The following DST variants were observed in gnomAD, a reference collection of about 807,000 sequenced individuals.
DST encodes the protein bullous pemphigoid antigen.
DST carries 253 observed loss-of-function variants against 875.2 expected under a neutral mutation model. The observed-to-expected ratio is 0.29, with a 90% CI of 0.26 to 0.32. DST has a LOEUF of 0.32. Among genes scored for constraint, DST ranks in the 10% least tolerant of loss-of-function variants. DST has a pLI of 1.00. For synonymous variants in DST, 3,124 were observed against 3,197.1 expected, an observed-to-expected ratio of 0.98 and a Z score of 0.77; for missense variants, 8,287 against 9,111.6, an observed-to-expected ratio of 0.91 and a Z score of 3.68.
At chr6:56,508,800 G>T in intron 74 of DST, 45 bp from the exon 75 acceptor site, 1 of 1,450,574 alleles carries the variant, frequency 6.9e-7, no homozygotes, top group Non-Finnish European at 9.5e-7. Flanking sequence ...TTAGCCCCAC[G>T]TAACCAACAA....
intron 36 of DST, chr6:56,618,173 C>G (rs1361595546): frequency 6.2e-7 from 1 of 1,614,174 alleles, no homozygotes; most frequent in South Asian, 1.1e-5. Flanking sequence ...CTCAGAGTAA[C>G]ACTGCTGGCT....
chr6:56,677,155 T>C lies in DST; in HGVS notation c.1048-6348A>G, dbSNP rs180994933. ...TCAATTTAAAAAAACTTAAATATAA[T>C]AACATCCTCCTTTGGTGGTTCTAAA... On this transcript the variant is annotated intron_variant, in intron 9 of 103. Transcript: ENST00000680361. Among the ~76,000 whole-genome samples, 13 of 152,284 alleles carry C rather than the reference T, an allele frequency of 8.5e-5. No homozygotes were observed. The East Asian group carries it at 2.1e-3, about 25-fold the overall frequency.
intron 4 of DST, among the ~76,000 whole-genome samples, chr6:56,845,638 A>G (rs2099806428): frequency 6.6e-6 from 1 of 152,236 alleles, no homozygotes; most frequent in South Asian, 2.1e-4. Flanking sequence ...AGGGTTAGCA[A>G]TTAAGTCCCT....
intron 36 of DST, chr6:56,615,971 C>G (rs148062292): frequency 1.9e-6 from 3 of 1,614,224 alleles, no homozygotes; most frequent in South Asian, 1.1e-5. Flanking sequence ...TTCGGCCACC[C>G]GGTACTTTTT....
chr6:56,709,999 G>T (rs1563802639), intron 5 of DST, among the ~76,000 whole-genome samples: 1 of 152,208 alleles, frequency 6.6e-6, no homozygotes. Flanking sequence ...GGTGGACATA[G>T]AGGCTTTATA....
chr6:56,943,012 T>C (rs983809496), intron 2 of DST, among the ~76,000 whole-genome samples: 31 of 152,024 alleles, frequency 2.0e-4, no homozygotes, highest in Non-Finnish European at 4.1e-4. Flanking sequence ...TGAGCTACCA[T>C]ATCCGGTCCA....
intron 3 of DST, among the ~76,000 whole-genome samples, chr6:56,879,033 A>AG (rs1356294774): frequency 6.6e-6 from 1 of 152,180 alleles, no homozygotes; most frequent in African/African-American, 2.4e-5. Context: ...AATGGTAATT[A>AG]GTGAGAAAGA....
chr6:56,516,103 T>C (rs947437470), intron 71 of DST, among the ~76,000 whole-genome samples: 29 of 147,016 alleles, frequency 2.0e-4, no homozygotes, highest in African/African-American at 7.3e-4. Context: ...TATATGTGTG[T>C]GTGTATATAT....
At chr6:56,682,474 CCGTCA>C (rs2099161552) in intron 9 of DST, among the ~76,000 whole-genome samples, 1 of 152,182 alleles carries the variant, frequency 6.6e-6, no homozygotes, top group Admixed American at 6.5e-5. Flanking sequence ...TTTTCTTTTT[CCGTCA>C]TTACCTCTAC....
At chr6:56,947,250 CTTT>C (rs34159658) in intron 2 of DST, among the ~76,000 whole-genome samples, 2 of 135,490 alleles carry the variant, frequency 1.5e-5, no homozygotes, top group Admixed American at 7.6e-5. Context: ...GCTACTCTCT[CTTT>C]TTTTTTTTTT....
At chr6:56,562,363 C>T (rs2097549779) in intron 55 of DST, among the ~76,000 whole-genome samples, 163 bp from the exon 56 acceptor site, 1 of 151,902 alleles carries the variant, frequency 6.6e-6, no homozygotes, top group South Asian at 2.1e-4. Flanking sequence ...AAACAATATC[C>T]TCTCTTCTAT....
intron 13 of DST, among the ~76,000 whole-genome samples, chr6:56,647,725 G>A (rs1019305492): frequency 6.2e-5 from 9 of 144,910 alleles, no homozygotes; most frequent in African/African-American, 2.1e-4. Flanking sequence ...TTGCTCTCTC[G>A]CCCAGGATGG....
At position 56,527,619 on chromosome 6, in the gene DST, T is replaced by C. The variant is rs1381391693; in HGVS notation, c.17796A>G (p.Ala5932=). 6.2e-7 allele frequency: 1 copy of C among 1,613,860 alleles called. No homozygotes were observed. Among genetic ancestry groups the C allele is most frequent in the East Asian group, 2.2e-5 (1 of 44,884 alleles). The change falls in exon 68 of 104, where the codon GCA becomes GCG. Residue 5932 remains alanine, a synonymous_variant. Transcript: ENST00000680361. Reference sequence around the variant, plus strand: ...CTTCGTGTGTGGAGTGCAGCCGCCTTGCAAGCTGCAGCGCCTGTTCCAGAG... The same window carrying C: ...CTTCGTGTGTGGAGTGCAGCCGCCTCGCAAGCTGCAGCGCCTGTTCCAGAG... ...AKTLEQALQL[A]RRLHSTHEEL...
intron 5 of DST, among the ~76,000 whole-genome samples, chr6:56,707,828 A>G (rs2099347305): frequency 6.6e-6 from 1 of 152,196 alleles, no homozygotes; most frequent in African/African-American, 2.4e-5. Flanking sequence ...ATTAAAACAG[A>G]CATGTTTAGA....
At chr6:56,815,303 G>A (rs914928604) in intron 4 of DST, among the ~76,000 whole-genome samples, 5 of 151,982 alleles carry the variant, frequency 3.3e-5, no homozygotes, top group African/African-American at 4.8e-5. Context: ...GTATATATAA[G>A]ACTTGTTTTT....
intron 9 of DST, among the ~76,000 whole-genome samples, chr6:56,685,290 C>A (rs2099176999): frequency 1.3e-5 from 2 of 152,034 alleles, no homozygotes; most frequent in South Asian, 4.1e-4. Flanking sequence ...TTAAACAAAT[C>A]AACAAGGAAA....
intron 61 of DST, among the ~76,000 whole-genome samples, chr6:56,547,076 C>T (rs953779863): frequency 1.8e-4 from 27 of 152,098 alleles, no homozygotes; most frequent in Admixed American, 7.2e-4. Context: ...CATAAAGGGC[C>T]GTAGCATTAG....
intron 2 of DST, among the ~76,000 whole-genome samples, chr6:56,925,331 A>T (rs1294589355): frequency 6.6e-6 from 1 of 152,206 alleles, no homozygotes; most frequent in South Asian, 2.1e-4. Context: ...AATTATTTTT[A>T]AAAAACATAC....
At chr6:56,866,259 A>G (rs1774039690) in intron 3 of DST, among the ~76,000 whole-genome samples, 2 of 152,216 alleles carry the variant, frequency 1.3e-5, no homozygotes, top group Non-Finnish European at 2.9e-5. Context: ...GGGCCTCCCA[A>G]AGTGCTGGGA....
Sources: gnomAD v4.1 joint callset for allele counts (sites outside exome capture counted in the v4.1 genomes callset) on GRCh38, gnomAD v4.1.1 for gene constraint, MANE v1.5 for transcripts, NCBI Gene and HGNC (gene_info 2026-07-23, HGNC 2026-07-21) for gene names.